DCC: variants seen among roughly 807,000 people sequenced by gnomAD.
The protein encoded by DCC is netrin receptor DCC.
DCC carries 58 observed loss-of-function variants against 172.5 expected under a neutral mutation model. The ratio of observed to expected loss-of-function variants is 0.34; its 90% CI spans 0.27 to 0.42. The LOEUF (loss-of-function observed/expected upper bound fraction) is 0.42. Ranked by LOEUF, DCC falls within the 10% of genes least tolerant of loss-of-function variation. The pLI, the probability that DCC is intolerant of heterozygous loss-of-function variation, is 1.00. For missense variants in DCC, 1,740 were observed against 1,791.0 expected, an observed-to-expected ratio of 0.97 and a Z score of 0.51; for synonymous variants, 709 against 644.5, an observed-to-expected ratio of 1.10 and a Z score of -1.52.
At chr18:53,431,971 T>A (rs1364985718) in intron 21 of DCC, among the ~76,000 whole-genome samples, 1 of 152,162 alleles carries the variant, frequency 6.6e-6, no homozygotes, top group Non-Finnish European at 1.5e-5. Flanking sequence ...TTTAATTATT[T>A]AGAATTTTAA....
chr18:53,079,060 G>A (rs2042762443), intron 7 of DCC, among the ~76,000 whole-genome samples: 1 of 152,052 alleles, frequency 6.6e-6, no homozygotes, highest in Non-Finnish European at 1.5e-5. Context: ...TTTTGAACAA[G>A]GAAGACTGAT....
intron 2 of DCC, among the ~76,000 whole-genome samples, chr18:52,887,840 A>G (rs1253457770): frequency 6.6e-6 from 1 of 152,202 alleles, no homozygotes; most frequent in East Asian, 1.9e-4. Flanking sequence ...CCTCTGTATC[A>G]GCCCAAACCA....
intron 1 of DCC, among the ~76,000 whole-genome samples, chr18:52,728,173 G>GTC (rs5824956): frequency 0.16 from 23,751 of 149,036 alleles, 1,928 homozygotes; most frequent in African/African-American, 0.21. Context: ...TGTGGGCCCC[G>GTC]TCTCTCTCTC....
At chr18:53,195,312 C>T (rs1429575362) in intron 9 of DCC, among the ~76,000 whole-genome samples, 3 of 152,130 alleles carry the variant, frequency 2.0e-5, no homozygotes, top group South Asian at 4.1e-4. Flanking sequence ...ATACTTGTAC[C>T]TAAACTGAAT....
intron 1 of DCC, among the ~76,000 whole-genome samples, chr18:52,684,763 A>C (rs1474328550): frequency 1.3e-5 from 2 of 152,042 alleles, no homozygotes; most frequent in Non-Finnish European, 2.9e-5. Flanking sequence ...AAAAATTAGG[A>C]GCAAGAATTT....
intron 2 of DCC, among the ~76,000 whole-genome samples, chr18:52,894,846 A>G (rs1374925218): frequency 6.6e-6 from 1 of 152,186 alleles, no homozygotes; most frequent in African/African-American, 2.4e-5. Context: ...ACACTGGGGA[A>G]GACATTGTTT....
chr18:52,451,868 TG>T (rs1401620325), intron 1 of DCC, among the ~76,000 whole-genome samples: 1 of 152,182 alleles, frequency 6.6e-6, no homozygotes, highest in Non-Finnish European at 1.5e-5. Flanking sequence ...ATTACCTCTT[TG>T]GGCTCTTCTC....
chr18:53,148,865 C>CTTTTTTTTTTTTTTTTTTTTTTTTTTTT lies in DCC; in HGVS notation c.1262-8474_1262-8473insTTTTTTTTTTTTTTTTTTTTTTTTTTTT, dbSNP rs5824990. Among the ~76,000 whole-genome samples the CTTTTTTTTTTTTTTTTTTTTTTTTTTTT allele has an allele frequency of 4.2e-3, 460 of 109,696 alleles. 36 individuals carry two copies. The highest frequency in any genetic ancestry group is 0.01 in the Middle Eastern group (2 of 194). The allele number at this position is 109,696 out of a possible 152,430, so 72.0% of individuals were successfully genotyped here. A position where few individuals can be genotyped will look rare whatever the true frequency, so the allele number is the denominator to read the frequency against. ...AAACTAGCTCAGAACTTCCCAATGC[C>CTTTTTTTTTTTTTTTTTTTTTTTTTTTT]TTTTTTTTTTTTTTTTTGGACAAAG... is the stretch of plus-strand genomic sequence containing the variant. On this transcript the variant is annotated intron_variant, in intron 7 of 28. Coordinates refer to ENST00000442544, the MANE Select transcript of DCC (RefSeq NM_005215.4).
chr18:53,225,693 C>A (rs2056015954), intron 12 of DCC, among the ~76,000 whole-genome samples: 1 of 152,136 alleles, frequency 6.6e-6, no homozygotes, highest in South Asian at 2.1e-4. Context: ...GAAAAGAAGT[C>A]ATAATATACA....
chr18:53,243,143 G>T (rs2144641976), intron 12 of DCC, among the ~76,000 whole-genome samples: 1 of 152,254 alleles, frequency 6.6e-6, no homozygotes, highest in East Asian at 1.9e-4. Context: ...TGGTTTATGT[G>T]GCATAGATGC....
chr18:52,478,824 C>T (rs1156857970), intron 1 of DCC, among the ~76,000 whole-genome samples: 1 of 152,104 alleles, frequency 6.6e-6, no homozygotes, highest in African/African-American at 2.4e-5. Context: ...AGAAATCCAC[C>T]CCCATGATCC....
At chr18:53,518,036 G>A (rs1198544323) in intron 27 of DCC, among the ~76,000 whole-genome samples, 1 of 152,078 alleles carries the variant, frequency 6.6e-6, no homozygotes, top group African/African-American at 2.4e-5. Context: ...CCTATCAGAA[G>A]TGTAAATGAT....
intron 2 of DCC, among the ~76,000 whole-genome samples, chr18:52,837,475 A>G (rs2038726574): frequency 6.6e-6 from 1 of 152,168 alleles, no homozygotes; most frequent in Admixed American, 6.5e-5. Flanking sequence ...ACAGATCTCT[A>G]GGGCAGGGAC....
chr18:52,740,863 G>C (rs1487132500), intron 1 of DCC, among the ~76,000 whole-genome samples: 3 of 152,170 alleles, frequency 2.0e-5, no homozygotes, highest in Non-Finnish European at 4.4e-5. Context: ...CTCTTAGTAT[G>C]ACAAATTTCC....
At chr18:52,999,992 C>T (rs191020992) in intron 5 of DCC, among the ~76,000 whole-genome samples, 54 of 152,126 alleles carry the variant, frequency 3.5e-4, no homozygotes, top group Non-Finnish European at 6.0e-4. Flanking sequence ...TGAAGTGATA[C>T]AACTATAGGC....
At chr18:52,995,238 AC>A (rs2041459196) in intron 5 of DCC, among the ~76,000 whole-genome samples, 1 of 152,248 alleles carries the variant, frequency 6.6e-6, no homozygotes, top group Admixed American at 6.5e-5. Context: ...AAGTGACTCT[AC>A]AGCCGAAAAT....
intron 5 of DCC, among the ~76,000 whole-genome samples, chr18:53,024,779 C>A (rs950095046): frequency 6.6e-6 from 1 of 151,968 alleles, no homozygotes; most frequent in African/African-American, 2.4e-5. Context: ...TTTTTATGAG[C>A]AATGGGAAAA....
At chr18:53,482,716 C>A (rs116338980) in intron 25 of DCC, among the ~76,000 whole-genome samples, 43,122 of 151,764 alleles carry the variant, frequency 0.28, 6,202 homozygotes, top group East Asian at 0.4. Context: ...AACATTGTCA[C>A]ATTTATGAGT....
intron 2 of DCC, among the ~76,000 whole-genome samples, chr18:52,881,784 G>A (rs2039489160): frequency 6.6e-6 from 1 of 151,896 alleles, no homozygotes. Context: ...TGGCTATTTG[G>A]GGTCTTCTGT....
Sources: allele counts gnomAD v4.1 joint callset (sites outside exome capture counted in the v4.1 genomes callset), GRCh38; gene constraint gnomAD v4.1.1; transcripts MANE v1.5; gene names NCBI Gene and HGNC (gene_info 2026-07-23, HGNC 2026-07-21).